The following MAMDC2 variants were observed in gnomAD, a reference collection of about 807,000 sequenced individuals.
The protein encoded by MAMDC2 is MAM domain containing 2.
Under a neutral mutation model 89.8 loss-of-function variants are expected in MAMDC2, and 57 were observed. The observed-to-expected ratio is 0.63, with a 90% CI of 0.51 to 0.79. MAMDC2 has a LOEUF of 0.79. MAMDC2 is among the 30% of genes least tolerant of loss of function. The pLI is 0.00. For missense variants in MAMDC2, 800 were observed against 820.6 expected, an observed-to-expected ratio of 0.97 and a Z score of 0.31; for synonymous variants, 313 against 293.4, an observed-to-expected ratio of 1.07 and a Z score of -0.68.
chr9:70,111,454 A>G (rs771648005), intron 4 of MAMDC2, among the ~76,000 whole-genome samples: 21 of 152,146 alleles, frequency 1.4e-4, no homozygotes, highest in Non-Finnish European at 1.0e-4. Context: ...GCCTCTCTCC[A>G]TTGCTCATCT....
intron 11 of MAMDC2, among the ~76,000 whole-genome samples, chr9:70,194,935 C>G (rs2032948700): frequency 6.6e-6 from 1 of 152,010 alleles, no homozygotes; most frequent in Non-Finnish European, 1.5e-5. Context: ...CCAGGTAATT[C>G]AAGTGGTAAG....
chr9:70,107,224 G>A (rs988628571), intron 2 of MAMDC2, among the ~76,000 whole-genome samples: 1 of 152,094 alleles, frequency 6.6e-6, no homozygotes, highest in East Asian at 1.9e-4. Context: ...GGTTTGGAAG[G>A]CTCGAGTTAA....
chr9:70,046,078 C>T (rs889511241), intron 2 of MAMDC2, among the ~76,000 whole-genome samples: 1 of 152,168 alleles, frequency 6.6e-6, no homozygotes. Context: ...AGAAATGCCA[C>T]GAGACTGGCT....
In MAMDC2 at chr9:70,119,294, A is replaced by G. The variant is rs372129630; in HGVS notation, c.643+6162A>G. ...GGTGCTATTATGGAAGAAGCTGGACAAGGTTTCAAAATCTAAAATAAGGTT... is the reference window on the plus strand; with the variant it reads ...GGTGCTATTATGGAAGAAGCTGGACGAGGTTTCAAAATCTAAAATAAGGTT... On this transcript the variant is annotated intron_variant, in intron 5 of 13. Transcript: ENST00000377182. 1.4e-4 allele frequency among the ~76,000 whole-genome samples: 21 copies of G among 152,310 alleles called. No homozygotes were observed. The East Asian group carries it at 4.1e-3, about 29-fold the overall frequency.
intron 2 of MAMDC2, chr9:70,062,519 C>T (rs1827171921): frequency 6.6e-6 from 1 of 152,172 alleles, no homozygotes; most frequent in South Asian, 2.1e-4. Flanking sequence ...GTCTAATTTG[C>T]TTCCATTTAA....
intron 11 of MAMDC2, among the ~76,000 whole-genome samples, chr9:70,211,730 T>C (rs1350918569): frequency 1.3e-5 from 2 of 152,248 alleles, no homozygotes; most frequent in Non-Finnish European, 2.9e-5. Context: ...TCAGCTTTTC[T>C]GCTCTGGTTT....
chr9:70,203,123 G>A (rs1343856965), intron 11 of MAMDC2, among the ~76,000 whole-genome samples: 40 of 150,864 alleles, frequency 2.7e-4, no homozygotes, highest in African/African-American at 7.5e-4. Context: ...GATTTTGCTC[G>A]TTAGTTGATG....
intron 2 of MAMDC2, among the ~76,000 whole-genome samples, chr9:70,077,228 C>T (rs1039839973): frequency 2.0e-5 from 3 of 152,160 alleles, no homozygotes; most frequent in African/African-American, 7.2e-5. Context: ...AAATTGATCA[C>T]GTCAAAGAAT....
At chr9:70,221,777 A>G (rs2033571056) in intron 12 of MAMDC2, among the ~76,000 whole-genome samples, 1 of 152,050 alleles carries the variant, frequency 6.6e-6, no homozygotes, top group South Asian at 2.1e-4. Flanking sequence ...ATTGTGATTT[A>G]TCAATTAAAA....
chr9:70,199,801 GTGA>G (rs2033058929), intron 11 of MAMDC2, among the ~76,000 whole-genome samples: 1 of 147,362 alleles, frequency 6.8e-6, no homozygotes, highest in Non-Finnish European at 1.5e-5. Flanking sequence ...CTGAGGGCCA[GTGA>G]TGATGAGCAT....
chr9:70,110,875 G>A (rs1426212729), intron 4 of MAMDC2, among the ~76,000 whole-genome samples: 1 of 152,160 alleles, frequency 6.6e-6, no homozygotes, highest in Non-Finnish European at 1.5e-5. Context: ...AGAATTGAGA[G>A]ATTTTTCAGC....
intron 2 of MAMDC2, among the ~76,000 whole-genome samples, chr9:70,051,534 G>C (rs1268878948): frequency 2.6e-5 from 4 of 151,970 alleles, no homozygotes; most frequent in Non-Finnish European, 4.4e-5. Flanking sequence ...TAAATATTTT[G>C]GTTCTTAAAA....
At chr9:70,217,120 A>T (rs1477211247) in intron 11 of MAMDC2, 2 of 558,194 alleles carry the variant, frequency 3.6e-6, no homozygotes, top group Non-Finnish European at 6.4e-6. Flanking sequence ...TAGAAAAGGA[A>T]ATTGGAAAGG....
At chr9:70,078,519 A>G (rs3015173) in intron 2 of MAMDC2, among the ~76,000 whole-genome samples, 28,131 of 152,080 alleles carry the variant, frequency 0.18, 3,661 homozygotes, top group African/African-American at 0.37. Context: ...CACGGAGTGA[A>G]CTAACACAAA....
intron 11 of MAMDC2, among the ~76,000 whole-genome samples, chr9:70,181,512 G>C (rs557032058): frequency 6.6e-6 from 1 of 151,956 alleles, no homozygotes; most frequent in Non-Finnish European, 1.5e-5. Flanking sequence ...ATTTGTTTGT[G>C]TCCTCTCTTA....
chr9:70,082,954 G>C (rs1301725747), intron 2 of MAMDC2: 1 of 148,114 alleles, frequency 6.8e-6, no homozygotes, highest in Non-Finnish European at 1.5e-5. Context: ...TTGTCCAAAA[G>C]GAATGTTGAA....
intron 2 of MAMDC2, among the ~76,000 whole-genome samples, chr9:70,073,725 C>G (rs1827463614): frequency 6.6e-6 from 1 of 152,238 alleles, no homozygotes; most frequent in Admixed American, 6.5e-5. Context: ...TGAATCTCAT[C>G]TCACCAAGAC....
intron 12 of MAMDC2, among the ~76,000 whole-genome samples, chr9:70,221,374 T>TAG (rs1327310408): frequency 3.1e-3 from 20 of 6,482 alleles, no homozygotes; most frequent in African/African-American, 6.6e-3. Flanking sequence ...TATATATATA[T>TAG]ATATATAGAG....
chr9:70,140,581 G>A (rs1041171053), intron 8 of MAMDC2, among the ~76,000 whole-genome samples: 11 of 152,064 alleles, frequency 7.2e-5, no homozygotes, highest in African/African-American at 2.4e-4. Context: ...GTATTTATAC[G>A]AAATCTCCAG....
Sources: gnomAD v4.1 joint callset for allele counts (sites outside exome capture counted in the v4.1 genomes callset) on GRCh38, gnomAD v4.1.1 for gene constraint, MANE v1.5 for transcripts, NCBI Gene and HGNC (gene_info 2026-07-23, HGNC 2026-07-21) for gene names.